Variants in NIPAL1 observed in about 807,000 individuals in gnomAD.
The protein encoded by NIPAL1 is NIPA like domain containing 1.
In NIPAL1, 35 loss-of-function variants were observed where a neutral mutation model predicts 37.7. The observed-to-expected ratio is 0.93, with a 90% CI of 0.71 to 1.23. NIPAL1 has a LOEUF of 1.23. Among genes scored for constraint, NIPAL1 ranks in the 50% most tolerant of loss-of-function variants. NIPAL1 has a pLI of 0.00. For synonymous variants in NIPAL1, 162 were observed against 183.0 expected, an observed-to-expected ratio of 0.89 and a Z score of 0.93; for missense variants, 412 against 473.9, an observed-to-expected ratio of 0.87 and a Z score of 1.21.
chr4:48,021,125 C>A (rs1715559167), intron 1 of NIPAL1, among the ~76,000 whole-genome samples: 1 of 152,116 alleles, frequency 6.6e-6, no homozygotes. Flanking sequence ...CTGGTTTTAG[C>A]AGTTACATAA....
chr4:48,036,047 A>G lies in NIPAL1; in HGVS notation c.1108A>G (p.Thr370Ala). The G allele has an allele frequency of 6.2e-7, 1 of 1,609,570 alleles. No homozygotes were observed. Among genetic ancestry groups the G allele is most frequent in the Non-Finnish European group, 8.5e-7 (1 of 1,179,082 alleles). ...CATTACTTGGAGTGAGCTTACATCC[A>G]CTGCTAAGAAAGAAGCCGTCTCTCT... is the stretch of plus-strand genomic sequence containing the variant. ...TDITWSELTS[T>A]AKKEAVSLNV... The change falls in exon 6 of 6, where the codon ACT (threonine) becomes GCT (alanine). Residue 370 changes from threonine (T) to alanine (A), a missense_variant. Thr to Ala is a moderately conservative substitution (Grantham distance 58). Coordinates refer to ENST00000295461, the MANE Select transcript of NIPAL1 (RefSeq NM_207330.3).
At chr4:48,029,138 C>T (rs1350753025) in intron 2 of NIPAL1, among the ~76,000 whole-genome samples, 1 of 152,174 alleles carries the variant, frequency 6.6e-6, no homozygotes, top group African/African-American at 2.4e-5. Flanking sequence ...CACCACTATT[C>T]ACAACACCAA....
intron 1 of NIPAL1, among the ~76,000 whole-genome samples, chr4:48,023,034 T>G (rs562474245): frequency 6.6e-6 from 1 of 152,254 alleles, no homozygotes; most frequent in East Asian, 1.9e-4. Context: ...TATTTAGTTT[T>G]GACTTTGAGT....
At chr4:48,020,393 T>C (rs1358797365) in intron 1 of NIPAL1, among the ~76,000 whole-genome samples, 1 of 152,180 alleles carries the variant, frequency 6.6e-6, no homozygotes, top group African/African-American at 2.4e-5. Context: ...TTGTAACAGA[T>C]ATAAAGAGAT....
At chr4:48,017,400 T>C (rs1423425361) in intron 1 of NIPAL1, among the ~76,000 whole-genome samples, 1 of 152,188 alleles carries the variant, frequency 6.6e-6, no homozygotes, top group Non-Finnish European at 1.5e-5. Flanking sequence ...GGGTGGGCGT[T>C]GGGCAAGTCT....
Position 48,037,215 on chromosome 4 carries a change from A to T in NIPAL1, c.*1043A>T. ...AGAGGGAGAACGGAGGAAGAGAAAA[A>T]TACTTCAGATAAAGGAAAAAGTTTT... On this transcript the variant is annotated 3_prime_UTR_variant, in exon 6 of 6. Transcript: ENST00000295461. 7.2e-6 allele frequency: 3 copies of T among 414,366 alleles called. No homozygotes were observed. Among genetic ancestry groups the T allele is most frequent in the South Asian group, 5.3e-5 (3 of 56,574 alleles). 25.7% of individuals were successfully genotyped at this position (414,366 alleles called of 1,614,324 possible).
Position 48,035,052 on chromosome 4 carries a change from C to G in NIPAL1, c.622+11C>G. On this transcript the variant is annotated intron_variant, in intron 5 of 5. Transcript: ENST00000295461. ...AATTGAGAGACCCAGGTCTGTGATT[C>G]AACCTAAAGAACCACTCAAATTCTG... 1 of 1,609,966 alleles carries G rather than the reference C, an allele frequency of 6.2e-7. No homozygotes were observed. Among genetic ancestry groups the G allele is most frequent in the African/African-American group, 1.3e-5 (1 of 74,908 alleles).
intron 1 of NIPAL1, among the ~76,000 whole-genome samples, chr4:48,021,737 T>G (rs1191851349): frequency 6.6e-6 from 1 of 152,122 alleles, no homozygotes; most frequent in Admixed American, 6.5e-5. Flanking sequence ...CATTACACTT[T>G]CATAGGTGCA....
chr4:48,035,313 C>G (rs1474898584), intron 5 of NIPAL1, among the ~76,000 whole-genome samples: 3 of 152,178 alleles, frequency 2.0e-5, no homozygotes, highest in Non-Finnish European at 4.4e-5. Context: ...CACTCTCTTC[C>G]TCTGAAAATA....
chr4:48,018,175 A>G (rs1715489219), intron 1 of NIPAL1, among the ~76,000 whole-genome samples: 1 of 152,212 alleles, frequency 6.6e-6, no homozygotes. Flanking sequence ...AGGCAGCTGA[A>G]TCTAGAATTA....
intron 4 of NIPAL1, among the ~76,000 whole-genome samples, chr4:48,034,038 T>A (rs1715873738): frequency 6.6e-6 from 1 of 152,230 alleles, no homozygotes. Context: ...TATCATAATC[T>A]TGAGGACAGA....
rs1715915752 is a variant in NIPAL1 at position 48,035,818 on chromosome 4, T to A, written c.879T>A (p.Tyr293Ter). ...TTTCAGTAACTACACAGATTAACTA[T>A]CTCAACAAGGCACTGGACACCTTTA... ...LVLSVTTQIN[Y>*]LNKALDTFNT... The change falls in exon 6 of 6, where the codon TAT (tyrosine) becomes TAA (stop). Residue 293 changes from tyrosine (Y) to a stop codon, truncating the protein, a stop_gained. Transcript: ENST00000295461. LOFTEE classifies it high-confidence loss of function. 6.2e-7 allele frequency: 1 copy of A among 1,614,228 alleles called. No individual in the cohort carries two copies. Among genetic ancestry groups the A allele is most frequent in the Non-Finnish European group, 8.5e-7 (1 of 1,180,030 alleles).
chr4:48,023,036 A>G (rs1281430425), intron 1 of NIPAL1, among the ~76,000 whole-genome samples: 1 of 152,016 alleles, frequency 6.6e-6, no homozygotes, highest in Non-Finnish European at 1.5e-5. Context: ...TTTAGTTTTG[A>G]CTTTGAGTTT....
At position 48,027,294 on chromosome 4, in the gene NIPAL1, C is replaced by CA. The variant is rs940835459; in HGVS notation, c.313+1964dup. Reference sequence around the variant, plus strand: ...ACATGGCATATAAACAAGAAACAAACAAAATAAGAAATGCAAATGACCAAT... The same window carrying CA: ...ACATGGCATATAAACAAGAAACAAACAAAAATAAGAAATGCAAATGACCAAT... On this transcript the variant is annotated intron_variant, in intron 2 of 5. Coordinates refer to ENST00000295461, the MANE Select transcript of NIPAL1 (RefSeq NM_207330.3). The surrounding 1 kb of genome is among the most constrained non-coding windows in gnomAD (Gnocchi z 4.1). Among the ~76,000 whole-genome samples the CA allele has an allele frequency of 2.6e-5, 4 of 151,934 alleles. No individual in the cohort carries two copies. Among genetic ancestry groups the CA allele is most frequent in the African/African-American group, 9.7e-5 (4 of 41,370 alleles).
chr4:48,016,791 C>G lies in NIPAL1; in HGVS notation c.-49C>G. ...CCCGCCGCGGGTGCGTGTGGAGAGG[C>G]CCAGGTGAGGAGCAAGCGCCCGCGT... On this transcript the variant is annotated 5_prime_UTR_variant, in exon 1 of 6. Transcript: ENST00000295461. 5.2e-6 allele frequency: 8 copies of G among 1,532,474 alleles called. No individual in the cohort carries two copies. Among genetic ancestry groups the G allele is most frequent in the Non-Finnish European group, 7.0e-6 (8 of 1,141,228 alleles). The allele number at this position is 1,532,474 out of a possible 1,614,324, so 94.9% of individuals were successfully genotyped here. A position where few individuals can be genotyped will look rare whatever the true frequency, so the allele number is the denominator to read the frequency against.
intron 5 of NIPAL1, among the ~76,000 whole-genome samples, chr4:48,035,256 T>A (rs570897743): frequency 3.3e-5 from 5 of 152,122 alleles, no homozygotes; most frequent in Non-Finnish European, 7.4e-5. Context: ...AAGGGAGAGG[T>A]GGGGATGGTA....
Position 48,034,892 on chromosome 4 carries a change from C to G in NIPAL1, c.473C>G (p.Ser158Cys), listed in dbSNP as rs1188872685. 1.4e-5 allele frequency: 22 copies of G among 1,612,406 alleles called. No homozygotes were observed. The highest frequency in any genetic ancestry group is 1.8e-5 in the Non-Finnish European group (21 of 1,178,846). Residue 158 changes from serine (S) to cysteine (C), a missense_variant, in exon 5 of 6, where the codon TCT becomes TGT. Coordinates refer to ENST00000295461, the MANE Select transcript of NIPAL1 (RefSeq NM_207330.3). The stretch of plus-strand genomic sequence containing the variant: ...TTCTCTCCCAACAGTGCAATATTAT[C>G]TTCCTACTTTTTAAACGAGCACTTG... ...ALSVLISAIL[S>C]SYFLNEHLNI...
chr4:48,025,253 T>G lies in NIPAL1; in HGVS notation c.232T>G (p.Ser78Ala). 1 of 1,614,096 alleles carries G rather than the reference T, an allele frequency of 6.2e-7. No individual in the cohort carries two copies. The highest frequency in any genetic ancestry group is 8.5e-7 in the Non-Finnish European group (1 of 1,179,960). Residue 78 changes from serine (S) to alanine (A), a missense_variant, in exon 2 of 6, where the codon TCA (serine) becomes GCA (alanine). By Grantham distance (99) the Ser-to-Ala change is moderately conservative (BLOSUM62 1). Transcript: ENST00000295461. ...TGTGGGCTTGGTACTGGCAGTAAGC[T>G]CAAGTATTTTTATTGGCTCCAGCTT... Reference protein sequence around the residue: ...LYVGLVLAVSSSIFIGSSFIL... With the variant: ...LYVGLVLAVSASIFIGSSFIL...
chr4:48,037,248 C>A lies in NIPAL1; in HGVS notation c.*1076C>A. ...GATAAAGGAAAAAGTTTTCTTCTCA[C>A]AAAAACACAGACACGTGATTGTTTT... On this transcript the variant is annotated 3_prime_UTR_variant, in exon 6 of 6. Transcript: ENST00000295461. 2.3e-6 allele frequency: 1 copy of A among 435,230 alleles called. No individual in the cohort carries two copies. The highest frequency in any genetic ancestry group is 4.5e-6 in the Non-Finnish European group (1 of 220,760). 27.0% of individuals were successfully genotyped at this position (435,230 alleles called of 1,614,324 possible). A position where few individuals can be genotyped will look rare whatever the true frequency, so the allele number is the denominator to read the frequency against.
Sources: allele counts gnomAD v4.1 joint callset (sites outside exome capture counted in the v4.1 genomes callset), GRCh38; gene constraint gnomAD v4.1.1; non-coding constraint Gnocchi (gnomAD v3.1); transcripts MANE v1.5; gene names NCBI Gene and HGNC (gene_info 2026-07-23, HGNC 2026-07-21).